PHC3: variants seen among roughly 807,000 people sequenced by gnomAD.
The protein encoded by PHC3 is polyhomeotic homolog 3.
Under a neutral mutation model 107.4 loss-of-function variants are expected in PHC3, and 13 were observed. The ratio of observed to expected loss-of-function variants is 0.12; its 90% confidence interval spans 0.08 to 0.19. The LOEUF (loss-of-function observed/expected upper bound fraction) is 0.19. Ranked by LOEUF, PHC3 falls within the 10% of genes least tolerant of loss-of-function variation. The probability of loss-of-function intolerance (pLI) is 1.00; values close to 1 mark genes in which losing one functional copy is unlikely to be tolerated. For missense variants in PHC3, 992 were observed against 1,210.9 expected (o/e 0.82, Z 2.68); for synonymous variants, 456 against 427.4 (o/e 1.07, Z -0.83).
rs766004716 is a variant in PHC3 at position 170,178,884 on chromosome 3, A to G, written c.69T>C (p.Ser23=). ...TGGTACTGCTGGTTGTTGTTGACAC[A>G]GAAGATGTTCCCGGGTTTGGTTCAG... ...MDTEPNPGTS[S]VSTTTSSTTT... Residue 23 remains serine (S), a synonymous_variant, in exon 2 of 15, where the codon TCT becomes TCC. Coordinates refer to ENST00000495893, the MANE Select transcript of PHC3 (RefSeq NM_024947.4). 2.2e-5 allele frequency: 36 copies of G among 1,613,842 alleles called. No homozygotes were observed. The highest frequency in any genetic ancestry group is 3.4e-6 in the Non-Finnish European group (4 of 1,179,848).
intron 8 of PHC3, among the ~76,000 whole-genome samples, chr3:170,124,015 T>C (rs1358673563): frequency 6.6e-6 from 1 of 151,888 alleles, no homozygotes; most frequent in African/African-American, 2.4e-5. Flanking sequence ...GCCCAGCTAA[T>C]TTTTTGTACT....
intron 4 of PHC3, among the ~76,000 whole-genome samples, chr3:170,165,591 T>TA (rs1401671100): frequency 1.3e-5 from 2 of 151,340 alleles, no homozygotes; most frequent in African/African-American, 4.9e-5. Flanking sequence ...CCGTCTCTAC[T>TA]AAAAATACAA....
chr3:170,153,453 T>C (rs1726344534), intron 4 of PHC3, among the ~76,000 whole-genome samples: 2 of 152,162 alleles, frequency 1.3e-5, no homozygotes. Flanking sequence ...TGATTATTAA[T>C]ATTAATTACC....
intron 14 of PHC3, chr3:170,102,073 TCTTA>T (rs1432178419): frequency 1.0e-5 from 9 of 884,664 alleles, no homozygotes; most frequent in South Asian, 1.0e-4. Context: ...AAAAAGTCTC[TCTTA>T]CTTCATTTTT....
At position 170,159,237 on chromosome 3, in the gene PHC3, G is replaced by A. The variant is rs1347834929; in HGVS notation, c.415-9993C>T. Among the ~76,000 whole-genome samples, 5 of 136,784 alleles carry A rather than the reference G, an allele frequency of 3.7e-5. No individual in the cohort carries two copies. In the Admixed American group the frequency reaches 3.9e-4, roughly 11 times the overall value. The allele number at this position is 136,784 out of a possible 152,430, so 89.7% of individuals were successfully genotyped here. ...ACTGCACTCCAGCCTGGAAGACAGA[G>A]CGAGACTCGGTCTCAAAAAAAAAAA... On this transcript the variant is annotated intron_variant, in intron 4 of 14. Coordinates refer to ENST00000495893, the MANE Select transcript of PHC3 (RefSeq NM_024947.4).
intron 4 of PHC3, 150 bp downstream of exon 4, chr3:170,171,223 T>C: frequency 1.6e-6 from 1 of 615,352 alleles, no homozygotes; most frequent in East Asian, 3.0e-5. Context: ...TCTGAATTCT[T>C]GAATTTTATC....
intron 9 of PHC3, among the ~76,000 whole-genome samples, chr3:170,117,682 C>T (rs896384769): frequency 1.3e-5 from 2 of 152,036 alleles, no homozygotes; most frequent in Non-Finnish European, 2.9e-5. Context: ...AGGAGGGTAG[C>T]TTGCTCAAAG....
Position 170,104,604 on chromosome 3 carries a change from A to G in PHC3, c.2469-1670T>C, listed in dbSNP as rs117725978. Among the ~76,000 whole-genome samples the G allele has an allele frequency of 3.9e-3, 593 of 152,288 alleles. 20 individuals are homozygous for G. In the East Asian group the frequency reaches 0.098, roughly 25 times the overall value. ...ATTCCTTTGCTCCAAGAAAGTTACA[A>G]GAATAAATCCCAATTAACTTTGCTA... On this transcript the variant is annotated intron_variant, in intron 12 of 14. Coordinates refer to ENST00000495893, the MANE Select transcript of PHC3 (RefSeq NM_024947.4).
At chr3:170,140,598 T>C (rs1399650019) in intron 6 of PHC3, among the ~76,000 whole-genome samples, 5 of 130,564 alleles carry the variant, frequency 3.8e-5, no homozygotes, top group African/African-American at 1.5e-4. Context: ...TTTTTTTTTT[T>C]TTTTTTTTTT....
chr3:170,127,944 G>A (rs879623120), intron 8 of PHC3, among the ~76,000 whole-genome samples: 3 of 151,786 alleles, frequency 2.0e-5, no homozygotes, highest in Non-Finnish European at 2.9e-5. Context: ...TCAATTATTC[G>A]AAACTTTTAC....
chr3:170,149,368 GC>G, intron 4 of PHC3, 124 bp from the exon 5 acceptor site: 3 of 839,768 alleles, frequency 3.6e-6, no homozygotes, highest in Non-Finnish European at 3.5e-6. Flanking sequence ...CAAAGGAGAA[GC>G]CTTTATCTTT....
At chr3:170,141,154 C>A (rs1724036103) in intron 6 of PHC3, among the ~76,000 whole-genome samples, 1 of 152,124 alleles carries the variant, frequency 6.6e-6, no homozygotes, top group East Asian at 1.9e-4. Context: ...AAAATTTTAA[C>A]TGCAAATATA....
Position 170,090,502 on chromosome 3 carries a change from T to G in PHC3, c.*6728A>C, listed in dbSNP as rs1289516917. On this transcript the variant is annotated 3_prime_UTR_variant, in exon 15 of 15. Transcript: ENST00000495893. Reference sequence around the variant, plus strand: ...CAGTGGTTAACCAATAAGGAGCATTTAGGAAAATGTCATCATTTGCTTGTT... The same window carrying G: ...CAGTGGTTAACCAATAAGGAGCATTGAGGAAAATGTCATCATTTGCTTGTT... 1 of 152,224 alleles carries G rather than the reference T, an allele frequency of 6.6e-6. No individual in the cohort carries two copies. The highest frequency in any genetic ancestry group is 1.9e-4 in the East Asian group (1 of 5,204). 9.4% of individuals were successfully genotyped at this position (152,224 alleles called of 1,614,324 possible). A position where few individuals can be genotyped will look rare whatever the true frequency, so the allele number is the denominator to read the frequency against.
chr3:170,163,585 G>A (rs11915994), intron 4 of PHC3, among the ~76,000 whole-genome samples: 46,222 of 151,320 alleles, frequency 0.31, 7,091 homozygotes, highest in East Asian at 0.49. Context: ...ATAGTCCGCC[G>A]GGCACGGTGG....
chr3:170,119,036 T>TAAAAAAAAAAAAAAAGA (rs1719624058), intron 9 of PHC3, among the ~76,000 whole-genome samples: 1 of 72,670 alleles, frequency 1.4e-5, no homozygotes, highest in African/African-American at 4.8e-5. Context: ...TATAAAAAGC[T>TAAAAAAAAAAAAAAAGA]AAAAAAAAAA....
At chr3:170,138,573 C>A (rs1259918534) in intron 6 of PHC3, among the ~76,000 whole-genome samples, 2 of 151,612 alleles carry the variant, frequency 1.3e-5, no homozygotes, top group African/African-American at 4.9e-5. Flanking sequence ...GCCTGTAGTC[C>A]CAGCAGCCCA....
chr3:170,134,990 C>T lies in PHC3; in HGVS notation c.919+1429G>A, dbSNP rs1577103138. On this transcript the variant is annotated intron_variant, in intron 7 of 14. Transcript: ENST00000495893. ...ATGTAGAGAATGCTGGCAGTATTAACACAGGAAACTTGAGAAGTGAAATAG... is the reference window on the plus strand; with the variant it reads ...ATGTAGAGAATGCTGGCAGTATTAATACAGGAAACTTGAGAAGTGAAATAG... Among the ~76,000 whole-genome samples the T allele has an allele frequency of 2.6e-5, 4 of 152,180 alleles. No homozygotes were observed. The Middle Eastern group carries it at 0.01, about 388-fold the overall frequency.
chr3:170,180,564 G>GTTTTT (rs199582784), intron 1 of PHC3, among the ~76,000 whole-genome samples: 1 of 138,858 alleles, frequency 7.2e-6, no homozygotes, highest in African/African-American at 2.6e-5. Flanking sequence ...TTATGCTTCT[G>GTTTTT]TTTTTTTTTT....
chr3:170,101,931 CTT>C (rs1715553832), intron 14 of PHC3, among the ~76,000 whole-genome samples: 1 of 151,976 alleles, frequency 6.6e-6, no homozygotes, highest in African/African-American at 2.4e-5. Flanking sequence ...CAGAAAGGCT[CTT>C]GATGTTTATT....
Sources: allele counts gnomAD v4.1 joint callset (sites outside exome capture counted in the v4.1 genomes callset), GRCh38; gene constraint gnomAD v4.1.1; transcripts MANE v1.5; gene names NCBI Gene and HGNC (gene_info 2026-07-23, HGNC 2026-07-21).